The following GRID2 variants were observed in gnomAD, a reference collection of about 807,000 sequenced individuals.
GRID2 encodes the protein glutamate receptor ionotropic, delta-2.
In GRID2, 33 loss-of-function variants were observed where a neutral mutation model predicts 114.8. The ratio of observed to expected loss-of-function variants is 0.29; its 90% CI spans 0.22 to 0.38. The LOEUF (loss-of-function observed/expected upper bound fraction) is 0.38. Ranked by LOEUF, GRID2 falls within the 10% of genes least tolerant of loss-of-function variation. The pLI, the probability that GRID2 is intolerant of heterozygous loss-of-function variation, is 1.00. For synonymous variants in GRID2, 505 were observed against 449.9 expected (o/e 1.12, Z -1.55); for missense variants, 1,184 against 1,257.7 (o/e 0.94, Z 0.89).
At chr4:93,607,134 T>C (rs537014517) in intron 13 of GRID2, among the ~76,000 whole-genome samples, 21 of 152,220 alleles carry the variant, frequency 1.4e-4, no homozygotes, top group African/African-American at 3.6e-4. Flanking sequence ...TCTTCTCTTT[T>C]TTCACACCTC....
chr4:92,604,356 C>T (rs1330163305), intron 2 of GRID2, among the ~76,000 whole-genome samples: 1 of 151,992 alleles, frequency 6.6e-6, no homozygotes, highest in Non-Finnish European at 1.5e-5. Flanking sequence ...TACTATGCAG[C>T]CATAAAAAGG....
At chr4:93,089,069 T>C (rs917992548) in intron 3 of GRID2, among the ~76,000 whole-genome samples, 3 of 152,116 alleles carry the variant, frequency 2.0e-5, no homozygotes, top group African/African-American at 7.2e-5. Flanking sequence ...TATTATTATT[T>C]TTACAAATGA....
At chr4:93,594,896 C>T (rs1259610890) in intron 13 of GRID2, among the ~76,000 whole-genome samples, 1 of 152,204 alleles carries the variant, frequency 6.6e-6, no homozygotes, top group African/African-American at 2.4e-5. Flanking sequence ...GAGGCAATGC[C>T]TCGCCCTGCT....
chr4:92,740,734 A>AGATG (rs1338217285), intron 2 of GRID2, among the ~76,000 whole-genome samples: 214 of 119,214 alleles, frequency 1.8e-3, no homozygotes, highest in Non-Finnish European at 3.1e-3. Context: ...ATAGATAGAT[A>AGATG]GATAGATGGA....
rs1315146493 is a variant in GRID2 at position 92,896,441 on chromosome 4, G to T, written c.245-188554G>T. Among the ~76,000 whole-genome samples the T allele has an allele frequency of 2.6e-5, 4 of 151,868 alleles. No homozygotes were observed. In the East Asian group the frequency reaches 5.8e-4, roughly 22 times the overall value. On this transcript the variant is annotated intron_variant, in intron 2 of 15. Coordinates refer to ENST00000282020, the MANE Select transcript of GRID2 (RefSeq NM_001510.4). Reference sequence around the variant, plus strand: ...ACTTTATCTCGAAAAATAAAACATTGTTTGGCCCTTATTCAAATAATTTTC... The same window carrying T: ...ACTTTATCTCGAAAAATAAAACATTTTTTGGCCCTTATTCAAATAATTTTC...
chr4:93,016,859 C>T (rs1260422854), intron 2 of GRID2, among the ~76,000 whole-genome samples: 1 of 152,074 alleles, frequency 6.6e-6, no homozygotes, highest in Non-Finnish European at 1.5e-5. Context: ...TAAGTTATCA[C>T]ATTATTAGGT....
At chr4:93,235,069 T>A (rs950575936) in intron 7 of GRID2, among the ~76,000 whole-genome samples, 5 of 152,032 alleles carry the variant, frequency 3.3e-5, no homozygotes, top group African/African-American at 1.2e-4. Flanking sequence ...TTTCCCCAAC[T>A]TTTCCTAGCC....
rs182468170 is a variant in GRID2, at chr4:93,329,419, G to T, written c.1246-66188G>T. On this transcript the variant is annotated intron_variant, in intron 8 of 15. Transcript: ENST00000282020. ...GAATGTCTCTATGTTTTTGATATCT[G>T]TTAATAATAATATGTCTAAGATTCT... Among the ~76,000 whole-genome samples the T allele has an allele frequency of 1.2e-3, 185 of 152,086 alleles. 5 individuals carry two copies. In the East Asian group the frequency reaches 0.032, roughly 27 times the overall value.
At chr4:93,106,375 C>T (rs1187411935) in intron 3 of GRID2, among the ~76,000 whole-genome samples, 2 of 152,058 alleles carry the variant, frequency 1.3e-5, no homozygotes, top group East Asian at 1.9e-4. Context: ...GACATGGAGT[C>T]CCCCTCTGTT....
At chr4:93,294,873 A>C (rs1296710958) in intron 8 of GRID2, among the ~76,000 whole-genome samples, 2 of 152,182 alleles carry the variant, frequency 1.3e-5, no homozygotes, top group African/African-American at 4.8e-5. Flanking sequence ...ACTTTGGAAC[A>C]GGGTAGGAGA....
chr4:92,424,871 G>T (rs1732080635), intron 1 of GRID2, among the ~76,000 whole-genome samples: 1 of 151,788 alleles, frequency 6.6e-6, no homozygotes, highest in Admixed American at 6.6e-5. Context: ...AAAGTTGCTT[G>T]TAACCAGAGG....
chr4:93,648,070 C>T (rs1402385840), intron 14 of GRID2, among the ~76,000 whole-genome samples: 4 of 152,128 alleles, frequency 2.6e-5, no homozygotes, highest in Non-Finnish European at 5.9e-5. Context: ...CTTCAGCTGT[C>T]ATGCCCTTAA....
chr4:92,634,397 A>G (rs530023342), intron 2 of GRID2, among the ~76,000 whole-genome samples: 45 of 152,280 alleles, frequency 3.0e-4, no homozygotes, highest in African/African-American at 1.1e-3. Flanking sequence ...TGGCTGCCAC[A>G]AAGTACTGCA....
chr4:92,878,227 C>T (rs570006769), intron 2 of GRID2, among the ~76,000 whole-genome samples: 3 of 152,252 alleles, frequency 2.0e-5, no homozygotes, highest in South Asian at 2.1e-4. Flanking sequence ...TACATTAATT[C>T]TCCATTAAAA....
At chr4:93,638,397 C>T (rs1310524547) in intron 14 of GRID2, among the ~76,000 whole-genome samples, 1 of 32,452 alleles carries the variant, frequency 3.1e-5, no homozygotes, top group East Asian at 3.6e-4. Flanking sequence ...CATGCTGGTG[C>T]GCTGCACCCA....
At chr4:93,598,649 G>C (rs1025354928) in intron 13 of GRID2, among the ~76,000 whole-genome samples, 1 of 151,982 alleles carries the variant, frequency 6.6e-6, no homozygotes, top group African/African-American at 2.4e-5. Flanking sequence ...ATCTATATTT[G>C]CATTTTAGTA....
intron 14 of GRID2, among the ~76,000 whole-genome samples, chr4:93,702,120 A>T (rs1049459654): frequency 5.3e-5 from 8 of 152,148 alleles, no homozygotes; most frequent in African/African-American, 1.7e-4. Flanking sequence ...TCTCCAAATA[A>T]TAACTGAAAA....
intron 2 of GRID2, among the ~76,000 whole-genome samples, chr4:92,978,712 T>C (rs1168608578): frequency 6.6e-6 from 1 of 152,176 alleles, no homozygotes; most frequent in East Asian, 1.9e-4. Context: ...AGTAAAATAT[T>C]ATTTTGTTTC....
chr4:93,103,298 C>G (rs1731876172), intron 3 of GRID2, among the ~76,000 whole-genome samples: 1 of 152,048 alleles, frequency 6.6e-6, no homozygotes, highest in African/African-American at 2.4e-5. Context: ...CCTTGGGGCA[C>G]AGTGTTATTC....
Sources: allele counts gnomAD v4.1 joint callset (sites outside exome capture counted in the v4.1 genomes callset), GRCh38; gene constraint gnomAD v4.1.1; transcripts MANE v1.5; gene names NCBI Gene and HGNC (gene_info 2026-07-23, HGNC 2026-07-21).